DOCK1: variants seen among roughly 807,000 people sequenced by gnomAD.
The protein encoded by DOCK1 is dedicator of cytokinesis 1.
A neutral mutation model predicts 262.7 loss-of-function variants in DOCK1; 138 were observed. The observed-to-expected ratio is 0.53, with a 90% CI of 0.46 to 0.61. DOCK1 has a LOEUF of 0.61. Ranked by LOEUF, DOCK1 falls within the 20% of genes least tolerant of loss-of-function variation. The probability of loss-of-function intolerance (pLI) is 0.00; values close to 1 mark genes in which losing one functional copy is unlikely to be tolerated. For synonymous variants in DOCK1, 866 were observed against 867.4 expected (o/e 1.00, Z 0.03); for missense variants, 1,908 against 2,370.7 (o/e 0.80, Z 4.05).
chr10:126,966,907 G>A (rs2134623962), intron 1 of DOCK1, among the ~76,000 whole-genome samples: 1 of 152,320 alleles, frequency 6.6e-6, no homozygotes, highest in Admixed American at 6.5e-5. Context: ...CTTCTACGCT[G>A]GAGTCTGCTG....
At chr10:127,417,530 G>A (rs2068232123) in intron 44 of DOCK1, among the ~76,000 whole-genome samples, 1 of 152,174 alleles carries the variant, frequency 6.6e-6, no homozygotes, top group African/African-American at 2.4e-5. Flanking sequence ...GGCCTGGAGT[G>A]CTCCAAGCAG....
intron 19 of DOCK1, among the ~76,000 whole-genome samples, chr10:127,040,428 TCATGCTGGG>T (rs1033320522): frequency 4.6e-5 from 7 of 152,168 alleles, no homozygotes; most frequent in African/African-American, 1.4e-4. Context: ...GTCTCTGATC[TCATGCTGGG>T]CATGCTGGGC....
In DOCK1 at chr10:127,143,960, C is replaced by T. The variant is rs963138351; in HGVS notation, c.2847+16196C>T. ...CTGTCCTTCCAGACTCAGCCTGCAG[C>T]CCCCATTCATCTCCCTGGATGACTG... is the stretch of plus-strand genomic sequence containing the variant. On this transcript the variant is annotated intron_variant, in intron 27 of 51. Transcript: ENST00000623213. 5.9e-5 allele frequency among the ~76,000 whole-genome samples: 9 copies of T among 152,268 alleles called. No individual in the cohort carries two copies. The East Asian group carries it at 1.5e-3, about 26-fold the overall frequency.
At chr10:127,224,000 G>A (rs2058540800) in intron 27 of DOCK1, among the ~76,000 whole-genome samples, 1 of 152,144 alleles carries the variant, frequency 6.6e-6, no homozygotes, top group African/African-American at 2.4e-5. Flanking sequence ...TCTGGTGTTT[G>A]TTTTCTGCTA....
intron 23 of DOCK1, among the ~76,000 whole-genome samples, chr10:127,085,500 C>T (rs1011739174): frequency 6.6e-6 from 1 of 152,184 alleles, no homozygotes; most frequent in African/African-American, 2.4e-5. Context: ...TGGCTCATGC[C>T]TGTAATCCCA....
At chr10:126,968,819 C>G (rs1273585817) in intron 1 of DOCK1, among the ~76,000 whole-genome samples, 1 of 152,162 alleles carries the variant, frequency 6.6e-6, no homozygotes, top group African/African-American at 2.4e-5. Context: ...GCAGTTATTT[C>G]TTGTTAAAGA....
intron 1 of DOCK1, among the ~76,000 whole-genome samples, chr10:126,941,918 C>A (rs1486395891): frequency 6.6e-6 from 1 of 152,188 alleles, no homozygotes; most frequent in Non-Finnish European, 1.5e-5. Flanking sequence ...GATAATTTTG[C>A]CAATTATTCT....
chr10:127,434,259 T>C (rs1019019952), intron 48 of DOCK1, among the ~76,000 whole-genome samples: 29 of 152,176 alleles, frequency 1.9e-4, no homozygotes, highest in African/African-American at 7.0e-4. Flanking sequence ...GGTGTTTAAG[T>C]GAATGCTTCT....
chr10:127,361,179 T>A (rs1487475053), intron 32 of DOCK1, among the ~76,000 whole-genome samples: 1 of 147,412 alleles, frequency 6.8e-6, no homozygotes, highest in South Asian at 2.2e-4. Flanking sequence ...ACTGGCGTGA[T>A]CTTGGCTCAC....
At chr10:127,035,240 T>C (rs2135558514) in intron 18 of DOCK1, among the ~76,000 whole-genome samples, 1 of 152,342 alleles carries the variant, frequency 6.6e-6, no homozygotes, top group Middle Eastern at 3.4e-3. Context: ...TTCCATTACT[T>C]AGGGAAACGC....
chr10:127,052,882 T>C, intron 22 of DOCK1, 67 bp downstream of exon 22: 1 of 1,546,918 alleles, frequency 6.5e-7, no homozygotes, highest in Non-Finnish European at 8.7e-7. Context: ...ACTTCTTTCC[T>C]TCCCCTTCTC....
intron 17 of DOCK1, among the ~76,000 whole-genome samples, 151 bp downstream of exon 17, chr10:127,031,904 C>T (rs961821205): frequency 5.9e-5 from 9 of 152,168 alleles, no homozygotes; most frequent in Non-Finnish European, 1.0e-4. Flanking sequence ...ATGACCAGCC[C>T]TTTTGTTGTT....
At chr10:126,908,432 G>C (rs1301437577) in intron 1 of DOCK1, among the ~76,000 whole-genome samples, 1 of 152,156 alleles carries the variant, frequency 6.6e-6, no homozygotes, top group Non-Finnish European at 1.5e-5. Context: ...CTTCCACTCT[G>C]GCCACTTGGC....
At chr10:127,422,202 C>T (rs1280184713) in intron 46 of DOCK1, among the ~76,000 whole-genome samples, 1 of 117,106 alleles carries the variant, frequency 8.5e-6, no homozygotes, top group African/African-American at 3.3e-5. Flanking sequence ...GAGTCTCGCT[C>T]TGTCACCAGC....
At chr10:127,302,010 T>C (rs904469024) in intron 29 of DOCK1, among the ~76,000 whole-genome samples, 5 of 151,780 alleles carry the variant, frequency 3.3e-5, no homozygotes, top group African/African-American at 1.2e-4. Context: ...GCTTTGTGTG[T>C]GCCTTCCCTT....
At chr10:127,200,550 C>T (rs1481345390) in intron 27 of DOCK1, among the ~76,000 whole-genome samples, 2 of 152,032 alleles carry the variant, frequency 1.3e-5, no homozygotes, top group East Asian at 1.9e-4. Flanking sequence ...TCCTGAGTAA[C>T]CTGTAACCAC....
intron 50 of DOCK1, among the ~76,000 whole-genome samples, chr10:127,447,065 C>T (rs1203850745): frequency 6.6e-6 from 1 of 152,202 alleles, no homozygotes; most frequent in Non-Finnish European, 1.5e-5. Context: ...TGTTTAACTT[C>T]CACCGAGGCA....
intron 32 of DOCK1, 50 bp downstream of exon 32, chr10:127,354,777 G>T: frequency 6.2e-7 from 1 of 1,610,632 alleles, no homozygotes; most frequent in Non-Finnish European, 8.5e-7. Context: ...ATCCCTGGTG[G>T]GTCATGGCAC....
intron 27 of DOCK1, among the ~76,000 whole-genome samples, chr10:127,185,771 T>C (rs1288263955): frequency 6.6e-6 from 1 of 152,108 alleles, no homozygotes. Context: ...CTACCTTGAG[T>C]GGTTGTTGTA....
Sources: allele counts gnomAD v4.1 joint callset (sites outside exome capture counted in the v4.1 genomes callset), GRCh38; gene constraint gnomAD v4.1.1; transcripts MANE v1.5; gene names NCBI Gene and HGNC (gene_info 2026-07-23, HGNC 2026-07-21).